The following SEMA5A variants were observed in gnomAD, a reference collection of about 807,000 sequenced individuals.
The protein encoded by SEMA5A is semaphorin-5A.
In SEMA5A, 55 loss-of-function variants were observed where a neutral mutation model predicts 135.5. That is an observed-to-expected ratio of 0.41 (90% CI 0.33 to 0.51). The LOEUF (loss-of-function observed/expected upper bound fraction) is 0.51. Ranked by LOEUF, SEMA5A falls within the 20% of genes least tolerant of loss-of-function variation. The pLI is 0.37. For synonymous variants in SEMA5A, 580 were observed against 546.5 expected, an observed-to-expected ratio of 1.06 and a Z score of -0.85; for missense variants, 1,290 against 1,419.9, an observed-to-expected ratio of 0.91 and a Z score of 1.47.
chr5:9,182,159 C>CCA (rs1744557059), intron 11 of SEMA5A, among the ~76,000 whole-genome samples: 1 of 140,924 alleles, frequency 7.1e-6, no homozygotes, highest in South Asian at 2.3e-4. Context: ...GCCCCCCACC[C>CCA]CAAAAAAAAA....
chr5:9,519,824 A>C (rs1363402519), intron 1 of SEMA5A: 2 of 152,162 alleles, frequency 1.3e-5, no homozygotes, highest in Non-Finnish European at 2.9e-5. Context: ...CTCTTACCTC[A>C]TCAGCCTTCC....
At chr5:9,095,029 C>T (rs1739241935) in intron 16 of SEMA5A, among the ~76,000 whole-genome samples, 1 of 152,022 alleles carries the variant, frequency 6.6e-6, no homozygotes, top group Non-Finnish European at 1.5e-5. Context: ...GTTACTGTGG[C>T]ACACTATCAG....
intron 5 of SEMA5A, among the ~76,000 whole-genome samples, chr5:9,241,145 T>C (rs1366538473): frequency 6.6e-6 from 1 of 152,140 alleles, no homozygotes; most frequent in Non-Finnish European, 1.5e-5. Context: ...GCAGTGAGTT[T>C]GAAACACCTA....
At chr5:9,241,164 A>G (rs960058579) in intron 5 of SEMA5A, among the ~76,000 whole-genome samples, 2 of 152,154 alleles carry the variant, frequency 1.3e-5, no homozygotes, top group African/African-American at 4.8e-5. Flanking sequence ...TACATTTTAA[A>G]AGACACAACG....
intron 1 of SEMA5A, among the ~76,000 whole-genome samples, chr5:9,466,995 G>A (rs1759284143): frequency 6.6e-6 from 1 of 152,230 alleles, no homozygotes; most frequent in Non-Finnish European, 1.5e-5. Context: ...AAGGCAGAAA[G>A]GCATCCTCAT....
intron 3 of SEMA5A, among the ~76,000 whole-genome samples, chr5:9,352,361 T>G (rs747186663): frequency 1.8e-4 from 27 of 151,436 alleles, no homozygotes; most frequent in East Asian, 5.8e-4. Flanking sequence ...TATCTAGCTA[T>G]CTAGCTAGCT....
chr5:9,069,200 A>T (rs1231389922), intron 16 of SEMA5A, among the ~76,000 whole-genome samples: 3 of 152,242 alleles, frequency 2.0e-5, no homozygotes, highest in African/African-American at 7.2e-5. Context: ...CATTCTTGCC[A>T]TCTGGGAATG....
chr5:9,377,580 T>C (rs1480730507), intron 3 of SEMA5A, among the ~76,000 whole-genome samples: 1 of 152,056 alleles, frequency 6.6e-6, no homozygotes, highest in Non-Finnish European at 1.5e-5. Flanking sequence ...TAAAGATTTT[T>C]CAATAATCCA....
At chr5:9,044,661 A>G (rs1302480010) in intron 21 of SEMA5A, 77 bp from the exon 22 acceptor site, 2 of 1,237,532 alleles carry the variant, frequency 1.6e-6, no homozygotes, top group Non-Finnish European at 2.3e-6. Flanking sequence ...TAGGATGAAA[A>G]GAGAAAGTCA....
intron 11 of SEMA5A, among the ~76,000 whole-genome samples, chr5:9,165,501 A>C (rs1457892482): frequency 6.6e-6 from 1 of 152,206 alleles, no homozygotes; most frequent in African/African-American, 2.4e-5. Context: ...CGTGTGAGGA[A>C]GACAAGTGGC....
rs150520091 is a variant in SEMA5A at position 9,362,502 on chromosome 5, A to C, written c.124+17321T>G. On this transcript the variant is annotated intron_variant, in intron 3 of 22. Transcript: ENST00000382496. ...CTACCCTACGAGGGCAGAGACACTT[A>C]GTTTGAATGCGATTCCAATGTTTTC... is the stretch of plus-strand genomic sequence containing the variant. Among the ~76,000 whole-genome samples, 596 of 152,322 alleles carry C rather than the reference A, an allele frequency of 3.9e-3. 2 individuals are homozygous for C. Among genetic ancestry groups the C allele is most frequent in the African/African-American group, 0.012 (516 of 41,566 alleles).
rs1755386187 is a variant in SEMA5A at position 9,376,969 on chromosome 5, A to C, written c.124+2854T>G. 2.6e-5 allele frequency among the ~76,000 whole-genome samples: 4 copies of C among 152,198 alleles called. No homozygotes were observed. In the South Asian group the frequency reaches 8.3e-4, roughly 32 times the overall value. ...TCAACGGTACACTTGCAAAAATATT[A>C]CATAATGTTTACAGGAGGCATTACT... On this transcript the variant is annotated intron_variant, in intron 3 of 22. Coordinates refer to ENST00000382496, the MANE Select transcript of SEMA5A (RefSeq NM_003966.3).
intron 2 of SEMA5A, among the ~76,000 whole-genome samples, chr5:9,404,964 C>A (rs1042266839): frequency 1.3e-5 from 2 of 152,170 alleles, no homozygotes; most frequent in African/African-American, 4.8e-5. Context: ...TATAAGGTAA[C>A]CAGCTCTCCA....
intron 11 of SEMA5A, among the ~76,000 whole-genome samples, chr5:9,182,505 T>C (rs1380894740): frequency 6.6e-6 from 1 of 152,176 alleles, no homozygotes; most frequent in Non-Finnish European, 1.5e-5. Context: ...TATTCTGTAC[T>C]GTATATTTGC....
intron 6 of SEMA5A, among the ~76,000 whole-genome samples, chr5:9,228,591 A>G (rs1747450126): frequency 6.6e-6 from 1 of 152,240 alleles, no homozygotes. Context: ...GCACTCAGAA[A>G]CCAATGTGCA....
At chr5:9,127,499 C>T (rs999057690) in intron 13 of SEMA5A, among the ~76,000 whole-genome samples, 1 of 152,180 alleles carries the variant, frequency 6.6e-6, no homozygotes, top group Non-Finnish European at 1.5e-5. Flanking sequence ...ATCTACCTGT[C>T]CTGCAGCTGC....
At chr5:9,286,887 C>A (rs114308225) in intron 5 of SEMA5A, among the ~76,000 whole-genome samples, 2 of 152,346 alleles carry the variant, frequency 1.3e-5, no homozygotes. Flanking sequence ...GGCCTTGGGC[C>A]GGGCTCCTTC....
intron 22 of SEMA5A, among the ~76,000 whole-genome samples, chr5:9,043,586 A>C (rs780377146): frequency 3.3e-5 from 5 of 152,198 alleles, no homozygotes; most frequent in Non-Finnish European, 7.3e-5. Flanking sequence ...AAAGAGCTTC[A>C]ACTGAGCCAG....
chr5:9,319,775 A>T (rs1752544291), intron 4 of SEMA5A, among the ~76,000 whole-genome samples: 1 of 140,832 alleles, frequency 7.1e-6, no homozygotes, highest in Admixed American at 7.9e-5. Context: ...GTCACTTCTT[A>T]TTGGTTTTAC....
Sources: gnomAD v4.1 joint callset for allele counts (sites outside exome capture counted in the v4.1 genomes callset) on GRCh38, gnomAD v4.1.1 for gene constraint, MANE v1.5 for transcripts, NCBI Gene and HGNC (gene_info 2026-07-23, HGNC 2026-07-21) for gene names.